Variants in RAD51B observed in about 807,000 individuals in gnomAD.
The protein encoded by RAD51B is RAD51 paralog B.
Under a neutral mutation model 42.2 loss-of-function variants are expected in RAD51B, and 38 were observed. The ratio of observed to expected loss-of-function variants is 0.90; its 90% CI spans 0.70 to 1.18. The LOEUF is 1.18. Among genes scored for constraint, RAD51B ranks in the 50% most tolerant of loss-of-function variants. The pLI is 0.00. For synonymous variants in RAD51B, 154 were observed against 145.2 expected, an observed-to-expected ratio of 1.06 and a Z score of -0.43; for missense variants, 373 against 400.7, an observed-to-expected ratio of 0.93 and a Z score of 0.59.
intron 7 of RAD51B, among the ~76,000 whole-genome samples, chr14:68,218,180 T>A (rs1652103494): frequency 6.6e-6 from 1 of 152,224 alleles, no homozygotes; most frequent in South Asian, 2.1e-4. Context: ...TTGACTTCTG[T>A]TTCAGCAGCT....
At chr14:68,576,199 A>G (rs1230417931) in intron 10 of RAD51B, among the ~76,000 whole-genome samples, 1 of 152,170 alleles carries the variant, frequency 6.6e-6, no homozygotes, top group Non-Finnish European at 1.5e-5. Flanking sequence ...TGTACCTCAC[A>G]TTTGCCGGAC....
chr14:67,909,539 G>A (rs1156862622), intron 7 of RAD51B, among the ~76,000 whole-genome samples: 1 of 152,160 alleles, frequency 6.6e-6, no homozygotes, highest in Non-Finnish European at 1.5e-5. Context: ...TGTAGTATCA[G>A]TAAAAATTTA....
chr14:68,540,326 G>T, intron 10 of RAD51B: 1 of 1,049,884 alleles, frequency 9.5e-7, no homozygotes, highest in Non-Finnish European at 1.1e-6. Context: ...TGGATCATCA[G>T]ACCTCTTCTA....
intron 7 of RAD51B, among the ~76,000 whole-genome samples, chr14:67,940,737 G>C (rs1257298957): frequency 4.0e-5 from 6 of 151,722 alleles, no homozygotes; most frequent in Non-Finnish European, 7.4e-5. Context: ...TCTTTGCAGA[G>C]TTTCCCAATT....
chr14:68,554,853 A>C (rs1282726522), intron 10 of RAD51B, among the ~76,000 whole-genome samples: 1 of 130,594 alleles, frequency 7.7e-6, no homozygotes, highest in African/African-American at 2.6e-5. Flanking sequence ...AAAATTAAAA[A>C]GTTTTTTTTT....
At chr14:67,836,310 CTT>C (rs2041239794) in intron 4 of RAD51B, among the ~76,000 whole-genome samples, 1 of 152,054 alleles carries the variant, frequency 6.6e-6, no homozygotes, top group Non-Finnish European at 1.5e-5. Flanking sequence ...CTTCTTGAGT[CTT>C]ATGACATGAT....
chr14:67,993,087 A>G (rs1202290247), intron 7 of RAD51B, among the ~76,000 whole-genome samples: 2 of 152,016 alleles, frequency 1.3e-5, no homozygotes, highest in African/African-American at 2.4e-5. Flanking sequence ...TTAATTTTTA[A>G]TTTTTGTTGG....
At chr14:68,556,737 C>T (rs1412091381) in intron 10 of RAD51B, among the ~76,000 whole-genome samples, 1 of 152,132 alleles carries the variant, frequency 6.6e-6, no homozygotes, top group Non-Finnish European at 1.5e-5. Context: ...TCTTTGAATG[C>T]AAGACCAAGT....
chr14:67,901,927 A>C (rs1164007761), intron 7 of RAD51B, among the ~76,000 whole-genome samples: 1 of 152,186 alleles, frequency 6.6e-6, no homozygotes, highest in African/African-American at 2.4e-5. Flanking sequence ...TTGGATGATG[A>C]GAAATTACTT....
At chr14:68,639,911 G>A (rs1321837435) in intron 10 of RAD51B, among the ~76,000 whole-genome samples, 1 of 151,508 alleles carries the variant, frequency 6.6e-6, no homozygotes, top group Non-Finnish European at 1.5e-5. Context: ...TGAGTAGCTG[G>A]GATTACAGGC....
chr14:67,890,383 T>G (rs2043182017), intron 7 of RAD51B, among the ~76,000 whole-genome samples: 1 of 149,834 alleles, frequency 6.7e-6, no homozygotes, highest in African/African-American at 2.4e-5. Context: ...GTTTGGGGAT[T>G]TTTTTTTTTC....
chr14:67,822,092 T>C (rs1213729873), intron 1 of RAD51B: 3 of 152,186 alleles, frequency 2.0e-5, no homozygotes, highest in East Asian at 3.8e-4. Flanking sequence ...TAAACAAATA[T>C]ATACATTCTC....
chr14:68,105,169 G>A (rs2077356651), intron 7 of RAD51B, among the ~76,000 whole-genome samples: 1 of 150,856 alleles, frequency 6.6e-6, no homozygotes, highest in South Asian at 2.1e-4. Context: ...TTCGGAGATA[G>A]CAATATCTTT....
At chr14:68,138,552 T>TAA (rs936479341) in intron 7 of RAD51B, among the ~76,000 whole-genome samples, 1 of 152,176 alleles carries the variant, frequency 6.6e-6, no homozygotes, top group Admixed American at 6.5e-5. Flanking sequence ...AAAACTTTTC[T>TAA]GTCTTTCTCT....
At chr14:68,656,323 C>A (rs1892814370) in intron 11 of RAD51B, among the ~76,000 whole-genome samples, 1 of 152,106 alleles carries the variant, frequency 6.6e-6, no homozygotes, top group Non-Finnish European at 1.5e-5. Flanking sequence ...AGGTATCCTG[C>A]CTACCTCCTA....
At chr14:68,058,064 T>C (rs185244987) in intron 7 of RAD51B, among the ~76,000 whole-genome samples, 1 of 152,236 alleles carries the variant, frequency 6.6e-6, no homozygotes, top group East Asian at 1.9e-4. Context: ...GGCACAGAAT[T>C]AATCAAATTT....
rs74059320 is a variant in RAD51B, at chr14:68,470,868, T to G, written c.1036+2618T>G. Among the ~76,000 whole-genome samples, 730 of 152,294 alleles carry G rather than the reference T, an allele frequency of 4.8e-3. 7 individuals are homozygous for G. Among genetic ancestry groups the G allele is most frequent in the African/African-American group, 0.016 (679 of 41,564 alleles). ...TTTGTCCGATCCTCCTAGGAGAGGA[T>G]GTACTCATCATTCCCTTAGCTCAGC... On this transcript the variant is annotated intron_variant, in intron 10 of 10. Transcript: ENST00000471583.
chr14:68,584,064 G>A (rs942828048), intron 10 of RAD51B, among the ~76,000 whole-genome samples: 4 of 149,402 alleles, frequency 2.7e-5, no homozygotes, highest in Admixed American at 6.6e-5. Flanking sequence ...AGATGCCCAG[G>A]CGCCCCCCCA....
intron 8 of RAD51B, among the ~76,000 whole-genome samples, chr14:68,346,729 A>G (rs1040226673): frequency 2.0e-5 from 3 of 152,142 alleles, no homozygotes; most frequent in African/African-American, 7.2e-5. Context: ...GCATACATAC[A>G]GGGACCTCAA....
Sources: allele counts gnomAD v4.1 joint callset (sites outside exome capture counted in the v4.1 genomes callset), GRCh38; gene constraint gnomAD v4.1.1; transcripts MANE v1.5; gene names NCBI Gene and HGNC (gene_info 2026-07-23, HGNC 2026-07-21).